The following KHDC1 variants were observed in gnomAD, a reference collection of about 807,000 sequenced individuals.
KHDC1 encodes the protein KH homology domain-containing protein 1.
A neutral mutation model predicts 24.7 loss-of-function variants in KHDC1; 21 were observed. That is an observed-to-expected ratio of 0.85 (90% confidence interval 0.60 to 1.23). The LOEUF (loss-of-function observed/expected upper bound fraction) is 1.23. KHDC1 is among the 50% of genes most tolerant of loss of function. KHDC1 has a pLI of 0.00. For missense variants in KHDC1, 274 were observed against 298.5 expected (o/e 0.92, Z 0.61); for synonymous variants, 98 against 111.7 (o/e 0.88, Z 0.77).
intron 2 of KHDC1, among the ~76,000 whole-genome samples, chr6:73,264,857 A>G (rs1026116684): frequency 5.9e-5 from 9 of 152,198 alleles, no homozygotes; most frequent in African/African-American, 2.2e-4. Flanking sequence ...GGCCAGTGAT[A>G]CCTGGACTCT....
At chr6:73,274,613 C>T (rs1461315425) in intron 2 of KHDC1, 4 of 152,264 alleles carry the variant, frequency 2.6e-5, no homozygotes, top group African/African-American at 7.2e-5. Flanking sequence ...CCTACTGGCG[C>T]TCATTCATTC....
chr6:73,299,941 C>G (rs922063968), intron 1 of KHDC1: 6 of 152,226 alleles, frequency 3.9e-5, no homozygotes, highest in African/African-American at 1.4e-4. Context: ...GTTGAGTGAG[C>G]AGGTGAGGCC....
intron 2 of KHDC1, chr6:73,267,953 C>G (rs1047563181): frequency 1.3e-5 from 2 of 152,286 alleles, no homozygotes; most frequent in Non-Finnish European, 2.9e-5. Context: ...TCTCCTGCCT[C>G]AACCCCCCGA....
At chr6:73,278,078 C>G (rs1767333696) in intron 2 of KHDC1, among the ~76,000 whole-genome samples, 1 of 131,812 alleles carries the variant, frequency 7.6e-6, no homozygotes, top group Non-Finnish European at 1.5e-5. Flanking sequence ...GTGGTGCGAT[C>G]TCAGCTCACT....
At chr6:73,282,478 A>G (rs1562255454) in intron 2 of KHDC1, among the ~76,000 whole-genome samples, 1 of 152,156 alleles carries the variant, frequency 6.6e-6, no homozygotes, top group Non-Finnish European at 1.5e-5. Context: ...CTTAGTTTAT[A>G]GGTTAAAACG....
At chr6:73,259,280 C>CTTTTTTTTTTTTTTTTTTTTTTTT (rs59935884) in intron 2 of KHDC1, among the ~76,000 whole-genome samples, 12 of 73,258 alleles carry the variant, frequency 1.6e-4, no homozygotes, top group Admixed American at 3.6e-4. Context: ...ATCCAATATG[C>CTTTTTTTTTTTTTTTTTTTTTTTT]TTTTTTTTTT....
intron 2 of KHDC1, among the ~76,000 whole-genome samples, chr6:73,277,234 G>T (rs1767314980): frequency 6.6e-6 from 1 of 152,286 alleles, no homozygotes; most frequent in South Asian, 2.1e-4. Context: ...GGAAGTGGAG[G>T]CAGGCGGATC....
chr6:73,271,577 G>T (rs919445525), intron 2 of KHDC1, among the ~76,000 whole-genome samples: 1 of 151,880 alleles, frequency 6.6e-6, no homozygotes, highest in African/African-American at 2.4e-5. Context: ...TTCCTACCTT[G>T]TAATAATGAA....
intron 2 of KHDC1, chr6:73,291,138 A>G (rs1767643785): frequency 2.0e-6 from 1 of 502,242 alleles, no homozygotes; most frequent in East Asian, 5.6e-5. Flanking sequence ...AAAGACATGC[A>G]GGTGCCCTCT....
exon 5 of KHDC1, chr6:73,241,577 G>A (rs781270536): frequency 6.2e-7 from 1 of 1,614,148 alleles, no homozygotes; most frequent in South Asian, 1.1e-5. Flanking sequence ...CAATCACTTG[G>A]TAAGGGGAAG....
chr6:73,271,468 A>G (rs543715091), intron 2 of KHDC1, among the ~76,000 whole-genome samples: 1 of 150,966 alleles, frequency 6.6e-6, no homozygotes, highest in Non-Finnish European at 1.5e-5. Flanking sequence ...TGGCCTCCCA[A>G]AGTGCTGGGA....
At chr6:73,292,161 C>T in intron 1 of KHDC1, 2 of 1,547,888 alleles carry the variant, frequency 1.3e-6, no homozygotes, top group Non-Finnish European at 1.8e-6. Flanking sequence ...GATGATATTC[C>T]TCATGCTTTG....
intron 2 of KHDC1, among the ~76,000 whole-genome samples, chr6:73,267,360 G>A (rs981254252): frequency 8.5e-5 from 13 of 152,098 alleles, no homozygotes; most frequent in Non-Finnish European, 4.4e-5. Flanking sequence ...GCAGGCGCCT[G>A]TAGTCCCAGC....
chr6:73,250,918 C>A (rs1005786196), intron 2 of KHDC1, among the ~76,000 whole-genome samples: 86 of 152,306 alleles, frequency 5.6e-4, no homozygotes, highest in African/African-American at 2.0e-3. Flanking sequence ...TGGCTCACTG[C>A]AACCTCCACC....
chr6:73,304,965 C>T (rs564571304), intron 1 of KHDC1, among the ~76,000 whole-genome samples: 22 of 152,260 alleles, frequency 1.4e-4, no homozygotes, highest in Middle Eastern at 3.4e-3. Context: ...AAGCCAGATG[C>T]AGTGCTTCAC....
chr6:73,287,033 T>C (rs1767536162), intron 2 of KHDC1, among the ~76,000 whole-genome samples: 2 of 152,104 alleles, frequency 1.3e-5, no homozygotes, highest in Non-Finnish European at 2.9e-5. Flanking sequence ...GCCAAAATTG[T>C]AGCAAAAGGT....
At chr6:73,289,281 C>T (rs1044808091) in intron 2 of KHDC1, among the ~76,000 whole-genome samples, 2 of 124,898 alleles carry the variant, frequency 1.6e-5, no homozygotes, top group Admixed American at 2.3e-4. Flanking sequence ...TTGCAGTAAG[C>T]GAAGATTGCA....
intron 2 of KHDC1, among the ~76,000 whole-genome samples, chr6:73,272,005 T>A (rs1582568007): frequency 6.7e-6 from 1 of 149,488 alleles, no homozygotes; most frequent in Admixed American, 6.6e-5. Context: ...TAATCCCATT[T>A]AAAAAAAAAG....
At chr6:73,287,457 A>C (rs571277981) in intron 2 of KHDC1, among the ~76,000 whole-genome samples, 2 of 152,328 alleles carry the variant, frequency 1.3e-5, no homozygotes, top group South Asian at 4.1e-4. Context: ...ACATCAAAGA[A>C]ATCAAGGCTA....
Sources: allele counts gnomAD v4.1 joint callset (sites outside exome capture counted in the v4.1 genomes callset), GRCh38; gene constraint gnomAD v4.1.1; transcripts MANE v1.5; gene names NCBI Gene and HGNC (gene_info 2026-07-23, HGNC 2026-07-21).